The following LRP2 variants were observed in gnomAD, a reference collection of about 807,000 sequenced individuals.
The protein encoded by LRP2 is low-density lipoprotein receptor-related protein 2.
LRP2 carries 172 observed loss-of-function variants against 531.0 expected under a neutral mutation model. The observed-to-expected ratio is 0.32, with a 90% CI of 0.29 to 0.37. The LOEUF (loss-of-function observed/expected upper bound fraction) is 0.37. Ranked by LOEUF, LRP2 falls within the 10% of genes least tolerant of loss-of-function variation. The pLI, the probability that LRP2 is intolerant of heterozygous loss-of-function variation, is 1.00. For synonymous variants in LRP2, 1,992 were observed against 2,027.6 expected (o/e 0.98, Z 0.47); for missense variants, 5,167 against 5,868.3 (o/e 0.88, Z 3.90).
intron 3 of LRP2, among the ~76,000 whole-genome samples, chr2:169,313,788 G>A (rs889176814): frequency 6.6e-6 from 1 of 152,186 alleles, no homozygotes; most frequent in Non-Finnish European, 1.5e-5. Flanking sequence ...GCTGGGAGCT[G>A]TAGACTGGAG....
intron 41 of LRP2, among the ~76,000 whole-genome samples, chr2:169,205,160 G>A (rs1174326905): frequency 6.6e-6 from 1 of 152,080 alleles, no homozygotes; most frequent in Non-Finnish European, 1.5e-5. Flanking sequence ...AGGGCCTGCA[G>A]AATGTAAGTT....
intron 9 of LRP2, among the ~76,000 whole-genome samples, chr2:169,287,103 T>A (rs955156997): frequency 6.6e-6 from 1 of 152,120 alleles, no homozygotes; most frequent in Non-Finnish European, 1.5e-5. Context: ...CAGGCAGGGC[T>A]CCCAGAGTCA....
intron 65 of LRP2, 99 bp downstream of exon 65, chr2:169,156,175 G>T (rs1271807492): frequency 2.6e-6 from 4 of 1,528,746 alleles, no homozygotes; most frequent in Non-Finnish European, 2.7e-6. Flanking sequence ...AGAAAGAAAA[G>T]AAAAACTATG....
At chr2:169,292,150 C>A in intron 7 of LRP2, 103 bp downstream of exon 7, 9 of 916,976 alleles carry the variant, frequency 9.8e-6, no homozygotes, top group East Asian at 2.4e-5. Context: ...AATCCTGAGG[C>A]TTGCTTGTCA....
Position 169,294,717 on chromosome 2 carries a change from TAAAAAA to T in LRP2, c.428-13_428-8del, listed in dbSNP as rs370823033. The T allele has an allele frequency of 8.2e-3, 5,978 of 733,268 alleles. No individual in the cohort carries two copies. The highest frequency in any genetic ancestry group is 0.012 in the Middle Eastern group (30 of 2,574). 45.4% of individuals were successfully genotyped at this position (733,268 alleles called of 1,614,324 possible). On this transcript the variant is annotated splice_polypyrimidine_tract_variant and splice_region_variant and intron_variant, in intron 4 of 78. Transcript: ENST00000649046. ...TGCTCACATGTTGGGTACTCTATTG[TAAAAAA>T]AAAAAAAAAAAAAAAAAGGAAAAGG...
At chr2:169,248,676 C>T (rs1245027250) in intron 19 of LRP2, among the ~76,000 whole-genome samples, 2 of 123,930 alleles carry the variant, frequency 1.6e-5, no homozygotes, top group Admixed American at 7.9e-5. Flanking sequence ...CAGCTCCCAG[C>T]GTGAGCGACG....
chr2:169,233,332 T>C (rs1689480032), intron 30 of LRP2, 79 bp downstream of exon 30: 1 of 1,496,906 alleles, frequency 6.7e-7, no homozygotes, highest in Non-Finnish European at 9.3e-7. Context: ...AATGGGTCTG[T>C]AACAGTGTGC....
chr2:169,304,182 C>T (rs920038640), intron 4 of LRP2, among the ~76,000 whole-genome samples: 21 of 152,160 alleles, frequency 1.4e-4, no homozygotes, highest in Admixed American at 1.2e-3. Context: ...CACTCATTTT[C>T]ATCTACTTGT....
chr2:169,277,924 G>T lies in LRP2; in HGVS notation c.1593C>A (p.Ser531Arg), dbSNP rs148996947. 1.9e-6 allele frequency: 3 copies of T among 1,613,766 alleles called. No homozygotes were observed. The highest frequency in any genetic ancestry group is 2.5e-6 in the Non-Finnish European group (3 of 1,179,822). Residue 531 changes from serine (S) to arginine (R), a missense_variant, in exon 13 of 79, where the codon AGC becomes AGA. This residue lies in a region of LRP2 where 2,811 missense variants were observed against 3,058.0 expected (regional missense o/e 0.92). Transcript: ENST00000649046. ...VGYLFFSDWE[S>R]LSGEPKLERA... ...TTTCCAGCTTAGGTTCCCCAGAAAG[G>T]CTCTCCCAATCTGAGAAAAATAAAT...
chr2:169,168,751 C>T, intron 60 of LRP2, 75 bp from the exon 61 acceptor site: 4 of 1,528,122 alleles, frequency 2.6e-6, no homozygotes, highest in Non-Finnish European at 3.6e-6. Flanking sequence ...TGCTATTTCT[C>T]CTTTGGCTCT....
rs1685195107 is a variant in LRP2 at position 169,129,101 on chromosome 2, A to G, written c.13729-17T>C. On this transcript the variant is annotated splice_polypyrimidine_tract_variant and intron_variant, in intron 77 of 78. Coordinates refer to ENST00000649046, the MANE Select transcript of LRP2 (RefSeq NM_004525.3). Reference sequence around the variant, plus strand: ...TTTTGTCACCTAAATGAAAAGGGGAAAACAAAAACCTCTCAGTAATGGAAT... The same window carrying G: ...TTTTGTCACCTAAATGAAAAGGGGAGAACAAAAACCTCTCAGTAATGGAAT... 6.6e-7 allele frequency: 1 copy of G among 1,523,192 alleles called. No homozygotes were observed. The highest frequency in any genetic ancestry group is 9.1e-7 in the Non-Finnish European group (1 of 1,097,378). 94.4% of individuals were successfully genotyped at this position (1,523,192 alleles called of 1,614,324 possible).
chr2:169,331,334 G>A (rs967542507), intron 1 of LRP2, among the ~76,000 whole-genome samples: 11 of 152,094 alleles, frequency 7.2e-5, no homozygotes, highest in South Asian at 2.1e-4. Context: ...TCACTTAAGC[G>A]CTCAAACATT....
chr2:169,318,934 T>C (rs756653635), intron 2 of LRP2, 50 bp from the exon 3 acceptor site: 2 of 1,611,236 alleles, frequency 1.2e-6, no homozygotes, highest in South Asian at 2.2e-5. Flanking sequence ...CTCCCCATTA[T>C]ACTAGCAAGC....
At chr2:169,176,993 G>T (rs1282446287) in intron 53 of LRP2, among the ~76,000 whole-genome samples, 1 of 152,174 alleles carries the variant, frequency 6.6e-6, no homozygotes, top group Non-Finnish European at 1.5e-5. Context: ...CAAAAATAAT[G>T]TGGATGAATA....
chr2:169,324,682 C>T (rs1186099969), intron 1 of LRP2, among the ~76,000 whole-genome samples: 2 of 150,814 alleles, frequency 1.3e-5, no homozygotes, highest in Non-Finnish European at 2.9e-5. Context: ...ATATCCCAAG[C>T]TTCCTGGGTA....
At chr2:169,137,608 A>ACG in intron 75 of LRP2, 115 bp from the exon 76 acceptor site, 1 of 669,440 alleles carries the variant, frequency 1.5e-6, no homozygotes, top group Non-Finnish European at 2.7e-6. Context: ...ACCTGGAGGT[A>ACG]CGCTAGGTGC....
chr2:169,337,850 T>C (rs969223980), intron 1 of LRP2, among the ~76,000 whole-genome samples: 4 of 152,194 alleles, frequency 2.6e-5, no homozygotes, highest in South Asian at 2.1e-4. Flanking sequence ...CTCACGCCTA[T>C]AATCCCAACA....
intron 1 of LRP2, among the ~76,000 whole-genome samples, chr2:169,344,756 T>C (rs1490631172): frequency 6.6e-6 from 1 of 152,224 alleles, no homozygotes; most frequent in Non-Finnish European, 1.5e-5. Context: ...GATTGCTTTC[T>C]ACACCCACCC....
intron 39 of LRP2, 50 bp downstream of exon 39, chr2:169,206,280 G>C: frequency 1.2e-6 from 2 of 1,608,346 alleles, no homozygotes; most frequent in Non-Finnish European, 1.7e-6. Context: ...CATGTGTGTT[G>C]ACCCCATTGT....
Sources: allele counts gnomAD v4.1 joint callset (sites outside exome capture counted in the v4.1 genomes callset), GRCh38; gene constraint gnomAD v4.1.1; regional missense constraint gnomAD v4.1.1; transcripts MANE v1.5; gene names NCBI Gene and HGNC (gene_info 2026-07-23, HGNC 2026-07-21).